The following LRRTM4 variants were observed in gnomAD, a reference collection of about 807,000 sequenced individuals.
LRRTM4 encodes leucine-rich repeat transmembrane neuronal protein 4.
Under a neutral mutation model 47.6 loss-of-function variants are expected in LRRTM4, and 25 were observed. That is an observed-to-expected ratio of 0.53 (90% CI 0.38 to 0.73). The LOEUF is 0.73. LRRTM4 is among the 30% of genes least tolerant of loss of function. LRRTM4 has a pLI of 0.00. For missense variants in LRRTM4, 638 were observed against 713.4 expected (o/e 0.89, Z 1.20); for synonymous variants, 311 against 269.5 (o/e 1.15, Z -1.51).
intron 3 of LRRTM4, among the ~76,000 whole-genome samples, chr2:77,084,696 C>G (rs13392273): frequency 0.14 from 21,709 of 152,052 alleles, 2,281 homozygotes; most frequent in East Asian, 0.42. Context: ...TAAGCATCAG[C>G]TGGTGTCATC....
At position 77,267,471 on chromosome 2, in the gene LRRTM4, T is replaced by G. The variant is rs565832901; in HGVS notation, c.1551+250847A>C. ...CACATGGCAGAAGAACAGAAGAGAG[T>G]GTGAACTCACTCCTGAAAGTTCTTT... On this transcript the variant is annotated intron_variant, in intron 3 of 3. Coordinates refer to ENST00000409884, the MANE Select transcript of LRRTM4 (RefSeq NM_001134745.3). Among the ~76,000 whole-genome samples, 93 of 152,262 alleles carry G rather than the reference T, an allele frequency of 6.1e-4. 1 individual carries two copies. Among genetic ancestry groups the G allele is most frequent in the African/African-American group, 2.2e-3 (90 of 41,568 alleles).
intron 3 of LRRTM4, among the ~76,000 whole-genome samples, chr2:77,476,988 G>GTGTA (rs2104005111): frequency 1.0e-5 from 1 of 99,632 alleles, no homozygotes; most frequent in East Asian, 2.2e-4. Flanking sequence ...GTGTGTGTGT[G>GTGTA]TGTGTGTGTA....
intron 3 of LRRTM4, among the ~76,000 whole-genome samples, chr2:76,888,099 T>G (rs1673136963): frequency 6.6e-6 from 1 of 150,694 alleles, no homozygotes; most frequent in South Asian, 2.1e-4. Flanking sequence ...ATAGTGTGTG[T>G]GTATATATAC....
chr2:77,076,586 G>A (rs1164103304), intron 3 of LRRTM4, among the ~76,000 whole-genome samples: 2 of 152,062 alleles, frequency 1.3e-5, no homozygotes, highest in Non-Finnish European at 2.9e-5. Flanking sequence ...TTTCTTCGGG[G>A]AATAGTATTA....
intron 3 of LRRTM4, among the ~76,000 whole-genome samples, chr2:76,942,624 G>C (rs10193677): frequency 0.29 from 43,779 of 150,648 alleles, 8,227 homozygotes; most frequent in African/African-American, 0.54. Flanking sequence ...CTGGTTCTAT[G>C]TTTTACTATA....
chr2:76,896,106 G>A (rs1404711347), intron 3 of LRRTM4, among the ~76,000 whole-genome samples: 1 of 151,942 alleles, frequency 6.6e-6, no homozygotes, highest in African/African-American at 2.4e-5. Context: ...TTACATAGAT[G>A]AACCCTACAA....
At chr2:76,779,283 G>T (rs1257479448) in intron 3 of LRRTM4, among the ~76,000 whole-genome samples, 8 of 150,916 alleles carry the variant, frequency 5.3e-5, no homozygotes, top group African/African-American at 1.2e-4. Context: ...AGGTCTGCTT[G>T]GTGCAGAGCT....
At position 77,007,652 on chromosome 2, in the gene LRRTM4, G is replaced by A. The variant is rs185016154; in HGVS notation, c.1552-258736C>T. 8.8e-4 allele frequency among the ~76,000 whole-genome samples: 134 copies of A among 152,248 alleles called. 1 individual carries two copies. Among genetic ancestry groups the A allele is most frequent in the Middle Eastern group, 3.4e-3 (1 of 292 alleles). On this transcript the variant is annotated intron_variant, in intron 3 of 3. Transcript: ENST00000409884. The stretch of plus-strand genomic sequence containing the variant: ...GGCTGACATATTATCGAATAATTTT[G>A]CAAGTAAATCTCACCATTCAAGTCT...
intron 3 of LRRTM4, among the ~76,000 whole-genome samples, chr2:76,945,506 G>A (rs184119286): frequency 6.6e-6 from 1 of 152,132 alleles, no homozygotes; most frequent in East Asian, 1.9e-4. Flanking sequence ...GATTTATGAT[G>A]CAATGCAGAA....
chr2:76,934,239 T>C (rs913981232), intron 3 of LRRTM4, among the ~76,000 whole-genome samples: 11 of 152,178 alleles, frequency 7.2e-5, no homozygotes, highest in African/African-American at 2.7e-4. Flanking sequence ...GAGAGCATTA[T>C]ATAAATACCC....
intron 3 of LRRTM4, among the ~76,000 whole-genome samples, chr2:77,334,494 T>TA (rs1558693065): frequency 6.6e-6 from 1 of 152,156 alleles, no homozygotes; most frequent in Non-Finnish European, 1.5e-5. Context: ...CCGATTGTTT[T>TA]AAAAACAATA....
intron 3 of LRRTM4, among the ~76,000 whole-genome samples, chr2:77,335,003 C>G (rs1671108571): frequency 6.6e-6 from 1 of 152,186 alleles, no homozygotes; most frequent in Non-Finnish European, 1.5e-5. Flanking sequence ...CCACTCTCTA[C>G]ATTCTCATAG....
chr2:77,285,151 C>T (rs1470409771), intron 3 of LRRTM4, among the ~76,000 whole-genome samples: 1 of 151,522 alleles, frequency 6.6e-6, no homozygotes, highest in Non-Finnish European at 1.5e-5. Context: ...GGGTTGTTTT[C>T]CTGCTCTTTC....
chr2:76,903,578 C>T (rs979083109), intron 3 of LRRTM4, among the ~76,000 whole-genome samples: 1 of 151,974 alleles, frequency 6.6e-6, no homozygotes, highest in Non-Finnish European at 1.5e-5. Flanking sequence ...AAAACAACAA[C>T]AACAAAACTA....
chr2:77,209,218 A>G (rs962223396), intron 3 of LRRTM4, among the ~76,000 whole-genome samples: 1 of 152,300 alleles, frequency 6.6e-6, no homozygotes, highest in East Asian at 1.9e-4. Flanking sequence ...TTCTACAACA[A>G]AAATTCACAA....
intron 3 of LRRTM4, among the ~76,000 whole-genome samples, chr2:77,445,033 G>A (rs1464918114): frequency 1.3e-5 from 2 of 150,826 alleles, no homozygotes; most frequent in Non-Finnish European, 3.0e-5. Context: ...TTTTTGCAGG[G>A]AAATATTGTT....
chr2:76,772,852 T>A (rs1673771467), intron 3 of LRRTM4: 1 of 152,232 alleles, frequency 6.6e-6, no homozygotes, highest in Non-Finnish European at 1.5e-5. Context: ...ATTTATAAAT[T>A]AAACTTTATC....
chr2:77,493,688 C>T (rs1341388307), intron 3 of LRRTM4, among the ~76,000 whole-genome samples: 2 of 151,850 alleles, frequency 1.3e-5, no homozygotes, highest in Non-Finnish European at 2.9e-5. Context: ...TATATCTTTC[C>T]CCCAAAAGTT....
At chr2:77,391,952 T>A (rs536915938) in intron 3 of LRRTM4, among the ~76,000 whole-genome samples, 1 of 152,094 alleles carries the variant, frequency 6.6e-6, no homozygotes, top group African/African-American at 2.4e-5. Context: ...TAAAAAGAGA[T>A]CAAAGTATTT....
Sources: gnomAD v4.1 joint callset for allele counts (sites outside exome capture counted in the v4.1 genomes callset) on GRCh38, gnomAD v4.1.1 for gene constraint, MANE v1.5 for transcripts, NCBI Gene and HGNC (gene_info 2026-07-23, HGNC 2026-07-21) for gene names.